The following NCALD variants were observed in gnomAD, a reference collection of about 807,000 sequenced individuals.
The protein encoded by NCALD is neurocalcin-delta.
A neutral mutation model predicts 18.6 loss-of-function variants in NCALD; 10 were observed. That is an observed-to-expected ratio of 0.54 (90% CI 0.33 to 0.91). NCALD has a LOEUF of 0.91. Ranked by LOEUF, NCALD falls within the 40% of genes least tolerant of loss-of-function variation. The pLI is 0.03. For synonymous variants in NCALD, 88 were observed against 87.4 expected, an observed-to-expected ratio of 1.01 and a Z score of -0.04; for missense variants, 184 against 247.6, an observed-to-expected ratio of 0.74 and a Z score of 1.72.
At chr8:101,707,499 CA>C (rs1240411767) in intron 2 of NCALD, among the ~76,000 whole-genome samples, 2 of 152,156 alleles carry the variant, frequency 1.3e-5, no homozygotes, top group South Asian at 2.1e-4. Flanking sequence ...AGGGGTGAAT[CA>C]GAAAATTTTT....
At chr8:101,800,122 T>C (rs965631481) in intron 4 of NCALD, among the ~76,000 whole-genome samples, 6 of 152,130 alleles carry the variant, frequency 3.9e-5, no homozygotes, top group Non-Finnish European at 7.4e-5. Context: ...GAAAAATGAT[T>C]CCAGATGGAA....
intron 2 of NCALD, among the ~76,000 whole-genome samples, chr8:102,012,741 T>C (rs1009404775): frequency 6.6e-6 from 1 of 152,212 alleles, no homozygotes. Flanking sequence ...CCTTCCTCTT[T>C]ACCTGAAACA....
At chr8:101,774,473 G>T (rs1811710489) in intron 1 of NCALD, among the ~76,000 whole-genome samples, 1 of 152,172 alleles carries the variant, frequency 6.6e-6, no homozygotes, top group African/African-American at 2.4e-5. Flanking sequence ...ACTCTGAAAT[G>T]ATCAAGTTAA....
At chr8:101,878,786 A>G (rs73280850) in intron 4 of NCALD, among the ~76,000 whole-genome samples, 14 of 152,352 alleles carry the variant, frequency 9.2e-5, no homozygotes, top group African/African-American at 3.4e-4. Context: ...GGTGCTAAAC[A>G]GTGATCAAGA....
chr8:101,851,993 T>C (rs1184244996), intron 4 of NCALD, among the ~76,000 whole-genome samples: 4 of 152,142 alleles, frequency 2.6e-5, no homozygotes, highest in Non-Finnish European at 4.4e-5. Context: ...TTCTACCATA[T>C]GAGGACAATT....
chr8:101,693,099 C>A (rs754103502), intron 2 of NCALD: 2 of 468,028 alleles, frequency 4.3e-6, no homozygotes, highest in Admixed American at 3.4e-5. Flanking sequence ...CAGTGAGGAC[C>A]TTCAGGAGGG....
chr8:101,872,790 CTA>C (rs1292488143), intron 4 of NCALD, among the ~76,000 whole-genome samples: 1 of 152,290 alleles, frequency 6.6e-6, no homozygotes, highest in East Asian at 1.9e-4. Context: ...CATGCCAAAA[CTA>C]TATGTCATGG....
intron 1 of NCALD, among the ~76,000 whole-genome samples, chr8:101,750,366 C>T (rs1432985129): frequency 1.3e-5 from 2 of 152,150 alleles, no homozygotes; most frequent in Non-Finnish European, 2.9e-5. Flanking sequence ...TGAGTCCAAA[C>T]CATCCTCTTG....
intron 4 of NCALD, among the ~76,000 whole-genome samples, chr8:101,879,111 T>C (rs1272234869): frequency 6.6e-6 from 1 of 152,160 alleles, no homozygotes; most frequent in Non-Finnish European, 1.5e-5. Flanking sequence ...TTGAATGGGG[T>C]ATAGAATGGT....
At chr8:101,721,138 G>T (rs1215693023) in intron 1 of NCALD, 2 of 146,460 alleles carry the variant, frequency 1.4e-5, no homozygotes, top group African/African-American at 2.5e-5. Context: ...AAAAAGTTCT[G>T]CACTTGTATT....
chr8:101,830,138 G>T (rs1048636925), intron 4 of NCALD, among the ~76,000 whole-genome samples: 1 of 152,190 alleles, frequency 6.6e-6, no homozygotes. Flanking sequence ...TTTGGATGTC[G>T]TGAGGTTAAA....
intron 1 of NCALD, among the ~76,000 whole-genome samples, chr8:102,071,806 C>T (rs1026621674): frequency 6.6e-6 from 1 of 152,072 alleles, no homozygotes; most frequent in South Asian, 2.1e-4. Flanking sequence ...ATGCAAGACC[C>T]CTACATTGAA....
intron 2 of NCALD, among the ~76,000 whole-genome samples, chr8:101,921,218 A>C (rs1018596551): frequency 1.3e-5 from 2 of 151,988 alleles, no homozygotes; most frequent in Non-Finnish European, 2.9e-5. Context: ...GTACAATTTC[A>C]AAGCTATTAA....
At chr8:101,729,452 C>G (rs909008614) in intron 1 of NCALD, among the ~76,000 whole-genome samples, 2 of 152,122 alleles carry the variant, frequency 1.3e-5, no homozygotes, top group Non-Finnish European at 2.9e-5. Context: ...TGGAATTGCC[C>G]GAAATATGTT....
intron 4 of NCALD, among the ~76,000 whole-genome samples, chr8:101,878,846 G>T (rs528099350): frequency 6.6e-6 from 1 of 152,188 alleles, no homozygotes; most frequent in Non-Finnish European, 1.5e-5. Flanking sequence ...CAGAACCTCT[G>T]CATGTAATCA....
intron 2 of NCALD, among the ~76,000 whole-genome samples, chr8:101,927,022 G>A (rs1385756011): frequency 2.0e-5 from 3 of 152,136 alleles, no homozygotes; most frequent in Non-Finnish European, 2.9e-5. Flanking sequence ...ACAGACACTG[G>A]CCCTGTTCTC....
chr8:101,901,201 T>C (rs1052401380), intron 3 of NCALD, among the ~76,000 whole-genome samples: 3 of 152,046 alleles, frequency 2.0e-5, no homozygotes, highest in African/African-American at 7.2e-5. Context: ...TTAAAACATT[T>C]TTTCATTCTG....
chr8:101,830,051 T>C (rs962186290), intron 4 of NCALD, among the ~76,000 whole-genome samples: 5 of 151,920 alleles, frequency 3.3e-5, no homozygotes, highest in African/African-American at 1.2e-4. Flanking sequence ...TGCAAAATTT[T>C]AAAGTACTGT....
intron 1 of NCALD, among the ~76,000 whole-genome samples, chr8:102,037,469 C>T (rs1227152245): frequency 1.3e-5 from 2 of 151,990 alleles, no homozygotes; most frequent in Admixed American, 6.6e-5. Context: ...AATTATAGTT[C>T]GTAGATGTTG....
Sources: gnomAD v4.1 joint callset for allele counts (sites outside exome capture counted in the v4.1 genomes callset) on GRCh38, gnomAD v4.1.1 for gene constraint, MANE v1.5 for transcripts, NCBI Gene and HGNC (gene_info 2026-07-23, HGNC 2026-07-21) for gene names.